PSMD12: variants seen among roughly 807,000 people sequenced by gnomAD.
The protein encoded by PSMD12 is proteasome 26S subunit, non-ATPase 12.
A neutral mutation model predicts 62.9 loss-of-function variants in PSMD12; 8 were observed. That is an observed-to-expected ratio of 0.13 (90% CI 0.07 to 0.23). The LOEUF is 0.23. PSMD12 is among the 10% of genes least tolerant of loss of function. PSMD12 has a pLI of 1.00. For missense variants in PSMD12, 424 were observed against 550.2 expected, an observed-to-expected ratio of 0.77 and a Z score of 2.29; for synonymous variants, 173 against 187.4, an observed-to-expected ratio of 0.92 and a Z score of 0.63.
chr17:67,343,740 G>T (rs145724707), intron 9 of PSMD12, among the ~76,000 whole-genome samples: 4,311 of 152,200 alleles, frequency 0.028, 177 homozygotes, highest in African/African-American at 0.094. Flanking sequence ...GTCTTGCTCT[G>T]TCACCCAGGC....
At chr17:67,363,285 G>A (rs1229443377) in intron 1 of PSMD12, among the ~76,000 whole-genome samples, 1 of 152,114 alleles carries the variant, frequency 6.6e-6, no homozygotes, top group Non-Finnish European at 1.5e-5. Flanking sequence ...CAGAGTAGCT[G>A]GGACAACAGG....
At chr17:67,365,156 C>T (rs1000291437) in intron 1 of PSMD12, among the ~76,000 whole-genome samples, 3 of 150,168 alleles carry the variant, frequency 2.0e-5, no homozygotes, top group African/African-American at 4.9e-5. Flanking sequence ...TGCACTCCAT[C>T]CTGGGTGAAA....
At chr17:67,355,812 G>A (rs150184370) in intron 3 of PSMD12, among the ~76,000 whole-genome samples, 1 of 152,138 alleles carries the variant, frequency 6.6e-6, no homozygotes, top group East Asian at 1.9e-4. Context: ...GAGCAAAATA[G>A]TCTCTCTAAA....
chr17:67,349,883 CT>C (rs1240479677), intron 4 of PSMD12, among the ~76,000 whole-genome samples: 3 of 152,142 alleles, frequency 2.0e-5, no homozygotes, highest in Non-Finnish European at 4.4e-5. Flanking sequence ...ACATTTCTTA[CT>C]TTGTTATCTT....
In PSMD12 at chr17:67,340,747, A is replaced by G. The variant is rs915192115; in HGVS notation, c.*96T>C. The G allele has an allele frequency of 2.4e-5, 23 of 952,478 alleles. No homozygotes were observed. In the African/African-American group the frequency reaches 3.9e-4, roughly 16 times the overall value. The allele number at this position is 952,478 out of a possible 1,614,324, so 59.0% of individuals were successfully genotyped here. On this transcript the variant is annotated 3_prime_UTR_variant, in exon 11 of 11. Coordinates refer to ENST00000356126, the MANE Select transcript of PSMD12 (RefSeq NM_002816.5). The stretch of plus-strand genomic sequence containing the variant: ...ATTCACTATTTTAAAATTTAAGACA[A>G]AGAAGCTTAGAAAAAAAACCCCAAC...
chr17:67,359,792 A>G (rs1057370290), intron 1 of PSMD12, among the ~76,000 whole-genome samples: 1 of 152,136 alleles, frequency 6.6e-6, no homozygotes, highest in Non-Finnish European at 1.5e-5. Flanking sequence ...AGTTCTATAG[A>G]TTTATATATA....
Position 67,366,558 on chromosome 17 carries a change from G to C in PSMD12, c.-39C>G, listed in dbSNP as rs766986747. ...GCGTCCCTTGCTGTCCCCCTGCTTCGGCCACCACTCGTCACCCACACCGGA... is the reference window on the plus strand; with the variant it reads ...GCGTCCCTTGCTGTCCCCCTGCTTCCGCCACCACTCGTCACCCACACCGGA... On this transcript the variant is annotated 5_prime_UTR_variant, in exon 1 of 11. Transcript: ENST00000356126. The C allele has an allele frequency of 1.3e-6, 2 of 1,552,862 alleles. No individual in the cohort carries two copies. Among genetic ancestry groups the C allele is most frequent in the Non-Finnish European group, 1.7e-6 (2 of 1,146,512 alleles).
intron 10 of PSMD12, 41 bp from the exon 11 acceptor site, chr17:67,341,093 T>G (rs760153514): frequency 7.0e-7 from 1 of 1,426,922 alleles, no homozygotes; most frequent in Non-Finnish European, 9.4e-7. Flanking sequence ...ACAGGATAAA[T>G]TACAGACAAT....
chr17:67,357,032 A>G (rs1372477128), intron 3 of PSMD12: 2 of 251,882 alleles, frequency 7.9e-6, no homozygotes, highest in East Asian at 1.8e-4. Context: ...TAAATAAGGA[A>G]AAAATAAAAG....
chr17:67,342,342 G>C, intron 9 of PSMD12, 79 bp from the exon 10 acceptor site: 1 of 944,838 alleles, frequency 1.1e-6, no homozygotes, highest in Admixed American at 2.2e-5. Context: ...TCATATCCAA[G>C]TAAGTTTACT....
intron 1 of PSMD12, among the ~76,000 whole-genome samples, chr17:67,361,906 A>AAAAT: frequency 1.1e-5 from 1 of 94,434 alleles, no homozygotes; most frequent in African/African-American, 3.4e-5. Context: ...AAAAAAAAAA[A>AAAAT]AAAGGAAGGA....
chr17:67,346,150 CG>C (rs1467572545), intron 7 of PSMD12, among the ~76,000 whole-genome samples: 4 of 151,764 alleles, frequency 2.6e-5, no homozygotes, highest in African/African-American at 9.7e-5. Flanking sequence ...CCCAGCACTT[CG>C]GGAGGCCCAG....
rs775859552 is a variant in PSMD12, at chr17:67,350,276, T to C, written c.358A>G (p.Ile120Val). ...AGAGTATCAATTAATCGAAGTTTGA[T>C]AGGAAGGTCTGTGATTTCCTCAACA... ...TYVEEITDLP[I>V]KLRLIDTLRM... The change falls in exon 4 of 11, where the codon ATC (isoleucine) becomes GTC (valine). Residue 120 changes from isoleucine to valine, a missense_variant. Ile to Val is a conservative substitution (Grantham distance 29). Coordinates refer to ENST00000356126, the MANE Select transcript of PSMD12 (RefSeq NM_002816.5). 7 of 1,613,318 alleles carry C rather than the reference T, an allele frequency of 4.3e-6. No individual in the cohort carries two copies. The Admixed American group carries it at 5.0e-5, about 12-fold the overall frequency.
chr17:67,356,656 G>A (rs2042077815), intron 3 of PSMD12, among the ~76,000 whole-genome samples: 1 of 143,598 alleles, frequency 7.0e-6, no homozygotes, highest in Non-Finnish European at 1.5e-5. Flanking sequence ...CTTAATAAAA[G>A]GGATATGACT....
At chr17:67,351,443 G>A (rs1404206851) in intron 3 of PSMD12, among the ~76,000 whole-genome samples, 1 of 135,030 alleles carries the variant, frequency 7.4e-6, no homozygotes. Context: ...AGGACCATGA[G>A]TCATCAAGAA....
chr17:67,358,137 G>C lies in PSMD12; in HGVS notation c.109-559C>G, dbSNP rs539816943. On this transcript the variant is annotated intron_variant, in intron 1 of 10. Transcript: ENST00000356126. ...GGGCTTTCACCATGTTGGCCAGGCT[G>C]GTCTTGAACTCCTGACCTCAAGCGA... Among the ~76,000 whole-genome samples the C allele has an allele frequency of 9.9e-5, 15 of 152,172 alleles. No homozygotes were observed. In the South Asian group the frequency reaches 2.7e-3, roughly 27 times the overall value.
At chr17:67,362,605 T>A (rs2042142219) in intron 1 of PSMD12, among the ~76,000 whole-genome samples, 1 of 143,940 alleles carries the variant, frequency 6.9e-6, no homozygotes, top group African/African-American at 2.6e-5. Flanking sequence ...GAGGTTGCAG[T>A]GAGCCGAGAT....
chr17:67,348,486 A>G lies in PSMD12; in HGVS notation c.510+64T>C, dbSNP rs2041988660. On this transcript the variant is annotated intron_variant, in intron 5 of 10. Coordinates refer to ENST00000356126, the MANE Select transcript of PSMD12 (RefSeq NM_002816.5). ...TTTGGATAAGGGATACTCAACCTATATTTCCATTAGAAAATGCTGCTGACA... is the reference window on the plus strand; with the variant it reads ...TTTGGATAAGGGATACTCAACCTATGTTTCCATTAGAAAATGCTGCTGACA... 2.2e-6 allele frequency: 3 copies of G among 1,338,304 alleles called. No individual in the cohort carries two copies. The East Asian group carries it at 6.9e-5, about 31-fold the overall frequency. 82.9% of individuals were successfully genotyped at this position (1,338,304 alleles called of 1,614,324 possible).
At chr17:67,342,667 G>A (rs944248211) in intron 9 of PSMD12, among the ~76,000 whole-genome samples, 2 of 151,830 alleles carry the variant, frequency 1.3e-5, no homozygotes, top group Non-Finnish European at 2.9e-5. Flanking sequence ...TCGGGTGCAG[G>A]GACTCACACC....
Sources: gnomAD v4.1 joint callset for allele counts (sites outside exome capture counted in the v4.1 genomes callset) on GRCh38, gnomAD v4.1.1 for gene constraint, MANE v1.5 for transcripts, NCBI Gene and HGNC (gene_info 2026-07-23, HGNC 2026-07-21) for gene names.